The following SDK2 variants were observed in gnomAD, a reference collection of about 807,000 sequenced individuals.
SDK2 encodes the protein protein sidekick-2.
Under a neutral mutation model 253.9 loss-of-function variants are expected in SDK2, and 105 were observed. The ratio of observed to expected loss-of-function variants is 0.41; its 90% CI spans 0.35 to 0.49. The LOEUF is 0.49. Among genes scored for constraint, SDK2 ranks in the 20% least tolerant of loss-of-function variants. The pLI is 0.06. For synonymous variants in SDK2, 1,249 were observed against 1,234.9 expected (o/e 1.01, Z -0.24); for missense variants, 2,608 against 3,003.0 (o/e 0.87, Z 3.07).
intron 1 of SDK2, among the ~76,000 whole-genome samples, chr17:73,531,832 C>A (rs1365963377): frequency 1.3e-5 from 2 of 152,170 alleles, no homozygotes; most frequent in East Asian, 3.9e-4. Flanking sequence ...GGTTTCCTCA[C>A]AAACCACACA....
chr17:73,507,183 T>C (rs1285727645), intron 2 of SDK2, among the ~76,000 whole-genome samples: 3 of 152,248 alleles, frequency 2.0e-5, no homozygotes, highest in South Asian at 2.1e-4. Context: ...TCTGCTCCTA[T>C]GCACTGTGGT....
Position 73,383,267 on chromosome 17 carries a change from C to T in SDK2, c.4705+609G>A, listed in dbSNP as rs994534460. 2.6e-5 allele frequency among the ~76,000 whole-genome samples: 4 copies of T among 152,242 alleles called. No homozygotes were observed. Among genetic ancestry groups the T allele is most frequent in the African/African-American group, 9.6e-5 (4 of 41,470 alleles). ...GTGGCTCCTAACACAAAAGTCCAAACACGTCTTTCCCTTGCCGTGGTCTTC... is the reference window on the plus strand; with the variant it reads ...GTGGCTCCTAACACAAAAGTCCAAATACGTCTTTCCCTTGCCGTGGTCTTC... On this transcript the variant is annotated intron_variant, in intron 33 of 44. Transcript: ENST00000392650. The surrounding 1 kb of genome is among the most constrained non-coding windows in gnomAD (Gnocchi z 4.3).
At position 73,395,698 on chromosome 17, in the gene SDK2, C is replaced by T. The variant is rs891384796; in HGVS notation, c.3355-306G>A. On this transcript the variant is annotated intron_variant, in intron 24 of 44. Coordinates refer to ENST00000392650, the MANE Select transcript of SDK2 (RefSeq NM_001144952.2). The surrounding 1 kb of genome is among the most constrained non-coding windows in gnomAD (Gnocchi z 4.3). ...CACAAAGGCTGTGTGTCTGACACAC[C>T]GATAGCACCGCCACCTTTGGCTCTG... 1.3e-5 allele frequency among the ~76,000 whole-genome samples: 2 copies of T among 152,170 alleles called. No individual in the cohort carries two copies. Among genetic ancestry groups the T allele is most frequent in the Non-Finnish European group, 2.9e-5 (2 of 68,028 alleles).
In SDK2 at chr17:73,383,725, G is replaced by T. The variant is rs2062850220; in HGVS notation, c.4705+151C>A. On this transcript the variant is annotated intron_variant, in intron 33 of 44. Coordinates refer to ENST00000392650, the MANE Select transcript of SDK2 (RefSeq NM_001144952.2). This position sits in a 1 kb window ranked among gnomAD's most constrained non-coding sequence, Gnocchi z 4.3. ...CTCAGTAAATATTCAGTAAATGAAT[G>T]AATGGGATGGGAGGAGGGAGAGGCA... 2 of 869,244 alleles carry T rather than the reference G, an allele frequency of 2.3e-6. No homozygotes were observed. The highest frequency in any genetic ancestry group is 3.6e-6 in the Non-Finnish European group (2 of 560,744). The allele number at this position is 869,244 out of a possible 1,614,324, so 53.8% of individuals were successfully genotyped here.
chr17:73,518,493 A>G (rs2064049100), intron 1 of SDK2: 1 of 152,190 alleles, frequency 6.6e-6, no homozygotes, highest in Non-Finnish European at 1.5e-5. Flanking sequence ...AGCCCTTCTC[A>G]TAGCCGGGGC....
intron 1 of SDK2, among the ~76,000 whole-genome samples, chr17:73,569,413 G>A (rs1331708102): frequency 6.6e-6 from 1 of 152,012 alleles, no homozygotes; most frequent in Non-Finnish European, 1.5e-5. Context: ...GGCTGGGCTG[G>A]TCTCAAACTC....
chr17:73,460,363 A>G (rs2063555423), intron 3 of SDK2, among the ~76,000 whole-genome samples: 1 of 152,206 alleles, frequency 6.6e-6, no homozygotes, highest in Non-Finnish European at 1.5e-5. Context: ...CTGAGCCTCA[A>G]CTGAGGCCTC....
intron 1 of SDK2, among the ~76,000 whole-genome samples, chr17:73,626,826 T>C (rs1239528749): frequency 6.6e-6 from 1 of 152,152 alleles, no homozygotes; most frequent in Non-Finnish European, 1.5e-5. Context: ...TGGTCTTCGA[T>C]GTGGACCCCA....
chr17:73,380,864 G>A lies in SDK2; in HGVS notation c.4762+30C>T, dbSNP rs373540764. ...CCAATCCCCTGCGAGGCCTGGGCCC[G>A]CGATGAAGCCACCATGCAAGGAGAC... On this transcript the variant is annotated intron_variant, in intron 34 of 44. Transcript: ENST00000392650. 74 of 1,553,558 alleles carry A rather than the reference G, an allele frequency of 4.8e-5. No homozygotes were observed. The African/African-American group carries it at 6.8e-4, about 14-fold the overall frequency.
intron 18 of SDK2, among the ~76,000 whole-genome samples, chr17:73,406,540 G>A (rs117724387): frequency 0.034 from 5,205 of 151,970 alleles, 212 homozygotes; most frequent in East Asian, 0.15. Flanking sequence ...GTGAGCCACC[G>A]CGCCTGGCCT....
At chr17:73,416,438 C>T (rs1359691708) in intron 16 of SDK2, among the ~76,000 whole-genome samples, 1 of 151,764 alleles carries the variant, frequency 6.6e-6, no homozygotes. Context: ...CTCAGGTGAT[C>T]TGCCTACCTC....
In SDK2 at chr17:73,337,527, TGAG is replaced by T. The variant is rs1456125294; in HGVS notation, c.*1057_*1059del. On this transcript the variant is annotated 3_prime_UTR_variant, in exon 45 of 45. Coordinates refer to ENST00000392650, the MANE Select transcript of SDK2 (RefSeq NM_001144952.2). ...GATGTGTGTGTGTGTGTGTGTGTGG[TGAG>T]GATCTATCCAGTGGAGAGTGACGTG... 1 of 142,408 alleles carries T rather than the reference TGAG, an allele frequency of 7.0e-6. No homozygotes were observed. Among genetic ancestry groups the T allele is most frequent in the Non-Finnish European group, 1.6e-5 (1 of 64,430 alleles). The allele number at this position is 142,408 out of a possible 1,614,324, so 8.8% of individuals were successfully genotyped here.
At chr17:73,439,576 G>A (rs774919217) in intron 6 of SDK2, among the ~76,000 whole-genome samples, 96 of 152,212 alleles carry the variant, frequency 6.3e-4, no homozygotes, top group Admixed American at 1.0e-3. Context: ...GCTGCTACAG[G>A]ACATGCTCTC....
In SDK2 at chr17:73,467,495, A is replaced by G. The variant is rs1237468148; in HGVS notation, c.331+4617T>C. Among the ~76,000 whole-genome samples the G allele has an allele frequency of 6.6e-6, 1 of 152,086 alleles. No individual in the cohort carries two copies. The highest frequency in any genetic ancestry group is 1.9e-4 in the East Asian group (1 of 5,174). ...GACCCTCAGGACGAGCACTGCTATG[A>G]GTGAGAATGGTTTTGCCAAGTGCTG... On this transcript the variant is annotated intron_variant, in intron 3 of 44. Transcript: ENST00000392650. The surrounding 1 kb of genome is among the most constrained non-coding windows in gnomAD (Gnocchi z 4.1).
intron 25 of SDK2, among the ~76,000 whole-genome samples, chr17:73,394,945 G>A (rs991728139): frequency 6.6e-6 from 1 of 152,200 alleles, no homozygotes; most frequent in African/African-American, 2.4e-5. Flanking sequence ...CCCCCCTTGG[G>A]AATATGGGAA....
Position 73,391,439 on chromosome 17 carries a change from C to T in SDK2, c.3997+1G>A. The T allele has an allele frequency of 7.6e-7, 1 of 1,307,884 alleles. No homozygotes were observed. Among genetic ancestry groups the T allele is most frequent in the Non-Finnish European group, 9.8e-7 (1 of 1,019,098 alleles). 81.0% of individuals were successfully genotyped at this position (1,307,884 alleles called of 1,614,324 possible). ...GGGGCACGGGAAGGGCAAAGGCTTA[C>T]CAAGAATGATGCCATTGGGGGCGGC... On this transcript the variant is annotated splice_donor_variant, in intron 28 of 44. Coordinates refer to ENST00000392650, the MANE Select transcript of SDK2 (RefSeq NM_001144952.2). LOFTEE classifies it high-confidence loss of function.
intron 6 of SDK2, 130 bp downstream of exon 6, chr17:73,440,679 TCTC>T (rs1259584102): frequency 2.3e-5 from 16 of 710,506 alleles, no homozygotes; most frequent in Admixed American, 1.9e-4. Flanking sequence ...AGCCAGCAGG[TCTC>T]CTTGCATCCC....
intron 18 of SDK2, 56 bp from the exon 19 acceptor site, chr17:73,402,197 A>G: frequency 6.4e-7 from 1 of 1,556,138 alleles, no homozygotes; most frequent in Admixed American, 1.7e-5. Context: ...GAGGAGGCCA[A>G]GCCCTCTCCC....
chr17:73,528,786 C>T (rs544094694), intron 1 of SDK2, among the ~76,000 whole-genome samples: 4 of 152,308 alleles, frequency 2.6e-5, no homozygotes, highest in East Asian at 3.9e-4. Context: ...CCCTGATGGT[C>T]GAAGCTTTTA....
Sources: allele counts gnomAD v4.1 joint callset (sites outside exome capture counted in the v4.1 genomes callset), GRCh38; gene constraint gnomAD v4.1.1; non-coding constraint Gnocchi (gnomAD v3.1); transcripts MANE v1.5; gene names NCBI Gene and HGNC (gene_info 2026-07-23, HGNC 2026-07-21).